The following KCNH7 variants were observed in gnomAD, a reference collection of about 807,000 sequenced individuals.
KCNH7 encodes the protein potassium voltage-gated channel subfamily H member 7, also known as voltage-gated inwardly rectifying potassium channel KCNH7.
In KCNH7, 49 loss-of-function variants were observed where a neutral mutation model predicts 120.8. The observed-to-expected ratio is 0.41, with a 90% CI of 0.32 to 0.51. The LOEUF (loss-of-function observed/expected upper bound fraction) is 0.51, where lower values mean the gene tolerates loss of function less well. KCNH7 is among the 20% of genes least tolerant of loss of function. The pLI, the probability that KCNH7 is intolerant of heterozygous loss-of-function variation, is 0.38. For missense variants in KCNH7, 1,097 were observed against 1,446.6 expected, an observed-to-expected ratio of 0.76 and a Z score of 3.92; for synonymous variants, 547 against 516.1, an observed-to-expected ratio of 1.06 and a Z score of -0.81.
At position 162,636,623 on chromosome 2, in the gene KCNH7, A is replaced by C. The variant is rs192246096; in HGVS notation, c.308-99543T>G. 6.0e-3 allele frequency among the ~76,000 whole-genome samples: 915 copies of C among 152,256 alleles called. 12 individuals are homozygous for C. Among genetic ancestry groups the C allele is most frequent in the African/African-American group, 0.02 (850 of 41,556 alleles). ...ACATGACATAGTCATCACATACTTC[A>C]TGTCACATCACAAGTGCACATTTTA... On this transcript the variant is annotated intron_variant, in intron 2 of 15. Transcript: ENST00000332142.
chr2:162,552,670 T>C (rs1692711380), intron 2 of KCNH7, among the ~76,000 whole-genome samples: 1 of 152,204 alleles, frequency 6.6e-6, no homozygotes, highest in South Asian at 2.1e-4. Context: ...GATTTTTCTC[T>C]TGCTGGTCAC....
chr2:162,540,352 C>T (rs1022256159), intron 2 of KCNH7, among the ~76,000 whole-genome samples: 6 of 151,874 alleles, frequency 4.0e-5, no homozygotes, highest in African/African-American at 1.5e-4. Context: ...TTAGGAGGAA[C>T]AGTGCTAATT....
chr2:162,651,777 ATACTGC>A (rs1474462866), intron 2 of KCNH7, among the ~76,000 whole-genome samples: 2 of 152,126 alleles, frequency 1.3e-5, no homozygotes, highest in African/African-American at 4.8e-5. Context: ...AGGAATTGTC[ATACTGC>A]TTTCTACAAT....
At chr2:162,536,003 CA>C (rs1692092936) in intron 3 of KCNH7, among the ~76,000 whole-genome samples, 2 of 151,608 alleles carry the variant, frequency 1.3e-5, no homozygotes, top group Admixed American at 1.3e-4. Flanking sequence ...CACTATACAC[CA>C]AAATAAGCTT....
intron 2 of KCNH7, among the ~76,000 whole-genome samples, chr2:162,763,999 T>C (rs1689058342): frequency 6.6e-6 from 1 of 152,064 alleles, no homozygotes; most frequent in African/African-American, 2.4e-5. Context: ...TTTTCCTCTG[T>C]CCTAAGGAAA....
At chr2:162,481,704 A>G (rs1469359591) in intron 6 of KCNH7, among the ~76,000 whole-genome samples, 1 of 152,198 alleles carries the variant, frequency 6.6e-6, no homozygotes, top group African/African-American at 2.4e-5. Flanking sequence ...GAATGAATAC[A>G]TGAGGTTGTT....
intron 2 of KCNH7, among the ~76,000 whole-genome samples, chr2:162,579,958 G>A (rs1028621175): frequency 6.6e-6 from 1 of 151,930 alleles, no homozygotes; most frequent in Non-Finnish European, 1.5e-5. Context: ...TCTTGGATTG[G>A]AAAAAATAAT....
At chr2:162,743,913 T>C (rs753444963) in intron 2 of KCNH7, among the ~76,000 whole-genome samples, 23 of 152,178 alleles carry the variant, frequency 1.5e-4, no homozygotes, top group Non-Finnish European at 2.6e-4. Context: ...TAAAACGGAA[T>C]AACCACCTTG....
intron 2 of KCNH7, among the ~76,000 whole-genome samples, chr2:162,610,286 T>C (rs1682922809): frequency 6.6e-6 from 1 of 151,956 alleles, no homozygotes; most frequent in East Asian, 1.9e-4. Flanking sequence ...TACATTTTAA[T>C]TTGATGTACC....
intron 5 of KCNH7, 143 bp downstream of exon 5, chr2:162,512,511 C>T: frequency 5.0e-6 from 3 of 601,756 alleles, no homozygotes; most frequent in Non-Finnish European, 8.9e-6. Flanking sequence ...AAAATCAAGC[C>T]ATGATGTCTC....
At chr2:162,695,151 G>A (rs1289833814) in intron 2 of KCNH7, among the ~76,000 whole-genome samples, 1 of 152,092 alleles carries the variant, frequency 6.6e-6, no homozygotes, top group Non-Finnish European at 1.5e-5. Context: ...TTTTGCAGTG[G>A]TTTTTGGATA....
intron 4 of KCNH7, among the ~76,000 whole-genome samples, chr2:162,517,220 C>T (rs530308633): frequency 2.0e-5 from 3 of 151,640 alleles, no homozygotes; most frequent in African/African-American, 7.2e-5. Flanking sequence ...ATTTTTTTCC[C>T]TTTAAATTTT....
intron 2 of KCNH7, among the ~76,000 whole-genome samples, chr2:162,661,298 C>T (rs1190623391): frequency 6.6e-6 from 1 of 152,004 alleles, no homozygotes; most frequent in Non-Finnish European, 1.5e-5. Flanking sequence ...ACAGTTCATT[C>T]CTGTTTTCAA....
chr2:162,517,094 C>T (rs1378711710), intron 4 of KCNH7, among the ~76,000 whole-genome samples: 1 of 151,650 alleles, frequency 6.6e-6, no homozygotes, highest in African/African-American at 2.4e-5. Flanking sequence ...TTTTAAGGAT[C>T]CTTAATTTCA....
At chr2:162,766,430 T>C (rs1359485867) in intron 2 of KCNH7, among the ~76,000 whole-genome samples, 1 of 152,170 alleles carries the variant, frequency 6.6e-6, no homozygotes, top group Non-Finnish European at 1.5e-5. Flanking sequence ...GTCCCTTTTG[T>C]TAACATTTCA....
intron 9 of KCNH7, among the ~76,000 whole-genome samples, chr2:162,406,414 T>C (rs1687225171): frequency 6.6e-6 from 1 of 151,984 alleles, no homozygotes; most frequent in African/African-American, 2.4e-5. Context: ...AAAGGCAGCC[T>C]GAATAAGGCA....
At chr2:162,761,526 C>A (rs10174014) in intron 2 of KCNH7, among the ~76,000 whole-genome samples, 1 of 152,018 alleles carries the variant, frequency 6.6e-6, no homozygotes, top group East Asian at 1.9e-4. Flanking sequence ...ATTACAGCAA[C>A]AACATTCACA....
chr2:162,679,432 CT>C (rs1468939915), intron 2 of KCNH7, among the ~76,000 whole-genome samples: 1 of 151,466 alleles, frequency 6.6e-6, no homozygotes, highest in Admixed American at 6.6e-5. Context: ...GCATGTTATG[CT>C]TTTGGGAAGA....
intron 7 of KCNH7, among the ~76,000 whole-genome samples, chr2:162,444,659 G>A (rs1466451361): frequency 6.6e-6 from 1 of 152,118 alleles, no homozygotes; most frequent in East Asian, 1.9e-4. Flanking sequence ...AATGTTTGCT[G>A]TTGGTGCATA....
Sources: allele counts gnomAD v4.1 joint callset (sites outside exome capture counted in the v4.1 genomes callset), GRCh38; gene constraint gnomAD v4.1.1; transcripts MANE v1.5; gene names NCBI Gene and HGNC (gene_info 2026-07-23, HGNC 2026-07-21).